Variants in VPS41 observed in about 807,000 individuals in gnomAD.
VPS41 encodes the protein VPS41 subunit of HOPS complex.
Under a neutral mutation model 130.9 loss-of-function variants are expected in VPS41, and 85 were observed. That is an observed-to-expected ratio of 0.65 (90% CI 0.55 to 0.78). The LOEUF is 0.78. Among genes scored for constraint, VPS41 ranks in the 30% least tolerant of loss-of-function variants. The pLI is 0.00. For synonymous variants in VPS41, 335 were observed against 332.9 expected, an observed-to-expected ratio of 1.01 and a Z score of -0.07; for missense variants, 874 against 1,018.7, an observed-to-expected ratio of 0.86 and a Z score of 1.93.
At chr7:38,734,784 T>C (rs1385106778) in intron 25 of VPS41, among the ~76,000 whole-genome samples, 21 of 152,230 alleles carry the variant, frequency 1.4e-4, no homozygotes, top group Non-Finnish European at 2.2e-4. Context: ...GCCTTGTTCA[T>C]ACTGCAATGC....
At chr7:38,850,954 C>G (rs1349812499) in intron 4 of VPS41, among the ~76,000 whole-genome samples, 3 of 152,092 alleles carry the variant, frequency 2.0e-5, no homozygotes, top group Admixed American at 2.0e-4. Flanking sequence ...TTTGGTATAA[C>G]CTAACTGCAG....
intron 1 of VPS41, among the ~76,000 whole-genome samples, chr7:38,904,740 G>C (rs1279179976): frequency 6.6e-6 from 1 of 152,040 alleles, no homozygotes; most frequent in Admixed American, 6.5e-5. Flanking sequence ...TAATCACATG[G>C]GGATATACAT....
intron 11 of VPS41, among the ~76,000 whole-genome samples, chr7:38,774,768 G>A (rs1397457713): frequency 2.6e-5 from 4 of 152,158 alleles, no homozygotes; most frequent in Non-Finnish European, 5.9e-5. Context: ...GCCCTTGCCT[G>A]TGAACTCCCT....
rs1225275897 is a variant in VPS41 at position 38,735,087 on chromosome 7, T to G, written c.2260-6296A>C. 3.9e-5 allele frequency among the ~76,000 whole-genome samples: 6 copies of G among 152,228 alleles called. No individual in the cohort carries two copies. In the South Asian group the frequency reaches 6.2e-4, roughly 16 times the overall value. On this transcript the variant is annotated intron_variant, in intron 25 of 28. Transcript: ENST00000310301. ...TTTCTAATAGCACAAAGTATGGATGTACCAAATTAATTTTAAAAGCTACAG... is the reference window on the plus strand; with the variant it reads ...TTTCTAATAGCACAAAGTATGGATGGACCAAATTAATTTTAAAAGCTACAG...
At chr7:38,769,273 T>C (rs1489418392) in intron 14 of VPS41, among the ~76,000 whole-genome samples, 1 of 152,208 alleles carries the variant, frequency 6.6e-6, no homozygotes, top group Non-Finnish European at 1.5e-5. Context: ...AATGACAGCA[T>C]TCCTGATGGT....
chr7:38,743,484 A>C lies in VPS41; in HGVS notation c.2040T>G (p.Val680=). 6.2e-7 allele frequency: 1 copy of C among 1,614,004 alleles called. No individual in the cohort carries two copies. Among genetic ancestry groups the C allele is most frequent in the South Asian group, 1.1e-5 (1 of 91,070 alleles). ...CCTTGGCAAATTCGATTGCTTTATC[A>C]ACATCATGTAATTCCTCCATAATCA... ...LKMIMEELHD[V]DKAIEFAKEQ... The change falls in exon 24 of 29, where the codon GTT becomes GTG. Residue 680 remains valine, a synonymous_variant. Coordinates refer to ENST00000310301, the MANE Select transcript of VPS41 (RefSeq NM_014396.4).
chr7:38,854,851 G>GGA (rs397783675), intron 4 of VPS41, among the ~76,000 whole-genome samples: 2,105 of 9,964 alleles, frequency 0.21, 52 homozygotes, highest in African/African-American at 0.41. Flanking sequence ...AAGAAGTGGA[G>GGA]AAAAAAAAAA....
At chr7:38,827,984 C>T (rs1785313028) in intron 5 of VPS41, among the ~76,000 whole-genome samples, 1 of 151,718 alleles carries the variant, frequency 6.6e-6, no homozygotes, top group Non-Finnish European at 1.5e-5. Flanking sequence ...AGTCCAAGTT[C>T]CAAGGCAGGA....
chr7:38,788,542 A>G (rs894226666), intron 10 of VPS41, among the ~76,000 whole-genome samples: 16 of 152,240 alleles, frequency 1.1e-4, no homozygotes, highest in African/African-American at 3.9e-4. Context: ...CTGGCAATTA[A>G]AAATATCCAA....
chr7:38,751,121 T>G (rs1044430750), intron 22 of VPS41, among the ~76,000 whole-genome samples: 2 of 152,228 alleles, frequency 1.3e-5, no homozygotes, highest in Non-Finnish European at 2.9e-5. Context: ...AAGATTTTTT[T>G]CAATAATTGT....
chr7:38,890,131 G>T (rs1472171601), intron 2 of VPS41, among the ~76,000 whole-genome samples: 1 of 152,048 alleles, frequency 6.6e-6, no homozygotes, highest in East Asian at 1.9e-4. Context: ...GGAAAGAAAG[G>T]AAAGAGAAAC....
intron 21 of VPS41, 107 bp from the exon 22 acceptor site, chr7:38,752,420 A>G: frequency 2.2e-6 from 3 of 1,354,446 alleles, no homozygotes; most frequent in Non-Finnish European, 3.0e-6. Flanking sequence ...AGGTTGGGGG[A>G]GAAGCAGTCT....
At chr7:38,898,177 T>C (rs1312233456) in intron 1 of VPS41, 48 bp from the exon 2 acceptor site, 1 of 1,539,252 alleles carries the variant, frequency 6.5e-7, no homozygotes, top group African/African-American at 1.4e-5. Flanking sequence ...GATAAAAGAA[T>C]AATCATTTGC....
At chr7:38,798,016 T>C (rs1784654026) in intron 7 of VPS41, among the ~76,000 whole-genome samples, 2 of 152,170 alleles carry the variant, frequency 1.3e-5, no homozygotes, top group South Asian at 4.1e-4. Context: ...CTTAGCCCCA[T>C]CTTCCCATCA....
chr7:38,761,307 G>T (rs57091471), intron 17 of VPS41, among the ~76,000 whole-genome samples: 4 of 117,942 alleles, frequency 3.4e-5, no homozygotes, highest in African/African-American at 3.1e-5. Context: ...GTGGTGTTTC[G>T]CTCTGTCGCC....
At chr7:38,776,260 A>G (rs934853679) in intron 11 of VPS41, among the ~76,000 whole-genome samples, 4 of 152,194 alleles carry the variant, frequency 2.6e-5, no homozygotes, top group African/African-American at 4.8e-5. Flanking sequence ...AAGTAAACAA[A>G]TATGTCTGGA....
chr7:38,733,652 G>A (rs888885958), intron 25 of VPS41, among the ~76,000 whole-genome samples: 7 of 152,126 alleles, frequency 4.6e-5, no homozygotes, highest in African/African-American at 1.7e-4. Context: ...TATTCTCTGT[G>A]TTGGACAGCC....
At chr7:38,835,537 T>G (rs1018186625) in intron 4 of VPS41, among the ~76,000 whole-genome samples, 2 of 151,988 alleles carry the variant, frequency 1.3e-5, no homozygotes, top group African/African-American at 4.8e-5. Flanking sequence ...AAGTCTAGTG[T>G]GGATGCATTG....
At chr7:38,889,381 A>C (rs1297911623) in intron 2 of VPS41, among the ~76,000 whole-genome samples, 1 of 151,354 alleles carries the variant, frequency 6.6e-6, no homozygotes, top group African/African-American at 2.4e-5. Flanking sequence ...AAAAATCTTG[A>C]AAACAGCTAG....
Sources: gnomAD v4.1 joint callset for allele counts (sites outside exome capture counted in the v4.1 genomes callset) on GRCh38, gnomAD v4.1.1 for gene constraint, MANE v1.5 for transcripts, NCBI Gene and HGNC (gene_info 2026-07-23, HGNC 2026-07-21) for gene names.